VANGL2: variants seen among roughly 807,000 people sequenced by gnomAD.
VANGL2 encodes the protein vang-like protein 2.
A neutral mutation model predicts 50.2 loss-of-function variants in VANGL2; 14 were observed. The observed-to-expected ratio is 0.28, with a 90% CI of 0.18 to 0.44. VANGL2 has a LOEUF of 0.44. VANGL2 is among the 20% of genes least tolerant of loss of function. The pLI is 1.00. For missense variants in VANGL2, 533 were observed against 701.5 expected (o/e 0.76, Z 2.71); for synonymous variants, 295 against 297.2 (o/e 0.99, Z 0.08).
At chr1:160,424,850 G>A (rs1300604805) in intron 7 of VANGL2, among the ~76,000 whole-genome samples, 1 of 152,146 alleles carries the variant, frequency 6.6e-6, no homozygotes, top group Non-Finnish European at 1.5e-5. Context: ...GCAGGGAGAA[G>A]AGCAGCAGAT....
Position 160,419,088 on chromosome 1 carries a change from G to A in VANGL2, c.279G>A (p.Lys93=). The A allele has an allele frequency of 6.2e-7, 1 of 1,614,122 alleles. No homozygotes were observed. Residue 93 remains lysine (K), a synonymous_variant, in exon 4 of 8, where the codon AAG becomes AAA. Transcript: ENST00000368061. The surrounding 1 kb of genome is among the most constrained non-coding windows in gnomAD (Gnocchi z 5.8). Reference sequence around the variant, plus strand: ...ATGATGACCTCACACGCATCGCCAAGGACATGGAGGACAGTGTCCCTCTGG... The same window carrying A: ...ATGATGACCTCACACGCATCGCCAAAGACATGGAGGACAGTGTCCCTCTGG... ...ISHDDLTRIA[K]DMEDSVPLDC... is the part of the protein sequence containing the mutation.
At chr1:160,401,483 C>T (rs1345696355) in intron 1 of VANGL2, among the ~76,000 whole-genome samples, 1 of 151,988 alleles carries the variant, frequency 6.6e-6, no homozygotes, top group African/African-American at 2.4e-5. Context: ...TCATATTTAC[C>T]CATCTGGGGG....
At chr1:160,418,597 T>C (rs764942543) in intron 3 of VANGL2, among the ~76,000 whole-genome samples, 2 of 152,164 alleles carry the variant, frequency 1.3e-5, no homozygotes, top group Non-Finnish European at 1.5e-5. Flanking sequence ...AAGGATCAGC[T>C]CAGGTCCCAC....
intron 1 of VANGL2, among the ~76,000 whole-genome samples, chr1:160,411,513 C>T (rs1205881016): frequency 1.3e-5 from 2 of 152,112 alleles, no homozygotes; most frequent in South Asian, 2.1e-4. Context: ...TCTCCTCCCT[C>T]CTCCCAGGCC....
intron 1 of VANGL2, among the ~76,000 whole-genome samples, chr1:160,409,604 C>T (rs1001535717): frequency 1.3e-5 from 2 of 152,198 alleles, no homozygotes; most frequent in South Asian, 2.1e-4. Flanking sequence ...GGCCTGACAG[C>T]GCTGCCTGGG....
In VANGL2 at chr1:160,427,496, C is replaced by T. The variant is rs1347685145; in HGVS notation, c.*2118C>T. On this transcript the variant is annotated 3_prime_UTR_variant, in exon 8 of 8. Transcript: ENST00000368061. ...ACTCTCTAAGCACTAAGGGCTGTGC[C>T]TGAGAATGGTAGCATTTTGGTCTTT... 2.0e-5 allele frequency: 3 copies of T among 152,104 alleles called. No homozygotes were observed. Among genetic ancestry groups the T allele is most frequent in the African/African-American group, 4.8e-5 (2 of 41,278 alleles). 9.4% of individuals were successfully genotyped at this position (152,104 alleles called of 1,614,324 possible). A position where few individuals can be genotyped will look rare whatever the true frequency, so the allele number is the denominator to read the frequency against.
chr1:160,421,085 G>A lies in VANGL2; in HGVS notation c.971G>A (p.Arg324Gln), dbSNP rs199788326. ...NSTNNSTGQS[R>Q]AVIAAAARRR... ...ACCAACAACTCCACTGGCCAGTCTC[G>A]GGCTGTGATTGCAGCGGCAGCTCGG... The change falls in exon 6 of 8, where the codon CGG becomes CAG. Residue 324 changes from arginine to glutamine, a missense_variant. Arg to Gln is a conservative substitution (Grantham distance 43). Coordinates refer to ENST00000368061, the MANE Select transcript of VANGL2 (RefSeq NM_020335.3). 1.2e-5 allele frequency: 19 copies of A among 1,613,986 alleles called. No individual in the cohort carries two copies. The highest frequency in any genetic ancestry group is 1.7e-5 in the Admixed American group (1 of 59,998).
chr1:160,406,025 CATTT>C (rs1233535064), intron 1 of VANGL2, among the ~76,000 whole-genome samples: 1 of 152,166 alleles, frequency 6.6e-6, no homozygotes, highest in Non-Finnish European at 1.5e-5. Context: ...TGGGAACTAA[CATTT>C]TTTTAAGCAT....
Position 160,419,560 on chromosome 1 carries a change from G to A in VANGL2, c.751G>A (p.Val251Met), listed in dbSNP as rs536256783. The change falls in exon 4 of 8, where the codon GTG becomes ATG. Residue 251 changes from valine (V) to methionine (M), a missense_variant. Val to Met is a conservative substitution (Grantham distance 21, BLOSUM62 1). Coordinates refer to ENST00000368061, the MANE Select transcript of VANGL2 (RefSeq NM_020335.3). This position sits in a 1 kb window ranked among gnomAD's most constrained non-coding sequence, Gnocchi z 5.8. ...QLQPQFTLKV[V>M]RSTDGASRFY... ...CCAGCCTCAGTTCACGCTCAAGGTCGTGCGCTCCACCGACGGCGCCAGCCG... is the reference window on the plus strand; with the variant it reads ...CCAGCCTCAGTTCACGCTCAAGGTCATGCGCTCCACCGACGGCGCCAGCCG... The A allele has an allele frequency of 8.1e-6, 13 of 1,600,336 alleles. No individual in the cohort carries two copies. In the South Asian group the frequency reaches 1.1e-4, roughly 14 times the overall value.
intron 1 of VANGL2, among the ~76,000 whole-genome samples, chr1:160,402,127 T>G (rs759592893): frequency 2.6e-5 from 4 of 152,020 alleles, no homozygotes; most frequent in African/African-American, 4.8e-5. Flanking sequence ...AGTGCCTGTT[T>G]TTGGGGGATG....
intron 1 of VANGL2, among the ~76,000 whole-genome samples, chr1:160,410,666 C>T (rs28620781): frequency 2.9e-5 from 4 of 139,700 alleles, no homozygotes; most frequent in African/African-American, 8.9e-5. Context: ...CCAACACCCA[C>T]CCCCCTTATA....
At position 160,415,815 on chromosome 1, in the gene VANGL2, A is replaced by G. The variant is rs1651033652; in HGVS notation, c.-23A>G. 6.2e-7 allele frequency: 1 copy of G among 1,609,066 alleles called. No individual in the cohort carries two copies. The highest frequency in any genetic ancestry group is 1.7e-5 in the Admixed American group (1 of 59,004). ...CCCCAGCCTGCGGCCCTGGAGCGCTACAAGGCGCGGCGTTCAGACGCCATG... is the reference window on the plus strand; with the variant it reads ...CCCCAGCCTGCGGCCCTGGAGCGCTGCAAGGCGCGGCGTTCAGACGCCATG... On this transcript the variant is annotated 5_prime_UTR_variant, in exon 2 of 8. Transcript: ENST00000368061.
chr1:160,404,664 T>A (rs550861315), intron 1 of VANGL2, among the ~76,000 whole-genome samples: 1 of 152,350 alleles, frequency 6.6e-6, no homozygotes, highest in South Asian at 2.1e-4. Context: ...ATAGAATGCA[T>A]GACCTTTTGA....
chr1:160,416,209 G>A, intron 3 of VANGL2, 27 bp downstream of exon 3: 2 of 1,613,766 alleles, frequency 1.2e-6, no homozygotes, highest in Non-Finnish European at 1.7e-6. Context: ...CGGTGGTCCA[G>A]ACCGGGCATT....
chr1:160,406,442 G>C (rs1266942258), intron 1 of VANGL2, among the ~76,000 whole-genome samples: 3 of 152,176 alleles, frequency 2.0e-5, no homozygotes, highest in Admixed American at 1.3e-4. Context: ...CATAAGCCTG[G>C]GGCGGGGCCA....
rs1031886791 is a variant in VANGL2 at position 160,424,048 on chromosome 1, C to T, written c.1074-4C>T. The T allele has an allele frequency of 7.4e-6, 12 of 1,613,950 alleles. No individual in the cohort carries two copies. Among genetic ancestry groups the T allele is most frequent in the Non-Finnish European group, 1.0e-5 (12 of 1,179,874 alleles). On this transcript the variant is annotated splice_region_variant and splice_polypyrimidine_tract_variant and intron_variant, in intron 6 of 7. Transcript: ENST00000368061. ...ATCTGGCCCAGTCCCCTCCTGTCCC[C>T]TAGGCTTGTAGTGGCGGTGGAGGAG...
Position 160,421,055 on chromosome 1 carries a change from A to G in VANGL2, c.941A>G (p.Asn314Ser). 6.2e-7 allele frequency: 1 copy of G among 1,614,082 alleles called. No homozygotes were observed. Among genetic ancestry groups the G allele is most frequent in the African/African-American group, 1.3e-5 (1 of 75,020 alleles). The change falls in exon 6 of 8, where the codon AAC becomes AGC. Residue 314 changes from asparagine to serine, a missense_variant. Transcript: ENST00000368061. ...GFKVYSLGEE[N>S]STNNSTGQSR... The stretch of plus-strand genomic sequence containing the variant: ...CCTCTATCCTGTTCCTGTGCAGAAA[A>G]CAGCACCAACAACTCCACTGGCCAG...
chr1:160,419,742 T>C lies in VANGL2; in HGVS notation c.800+133T>C. 1 of 1,297,430 alleles carries C rather than the reference T, an allele frequency of 7.7e-7. No homozygotes were observed. The highest frequency in any genetic ancestry group is 1.0e-6 in the Non-Finnish European group (1 of 967,274). 80.4% of individuals were successfully genotyped at this position (1,297,430 alleles called of 1,614,324 possible). A position where few individuals can be genotyped will look rare whatever the true frequency, so the allele number is the denominator to read the frequency against. On this transcript the variant is annotated intron_variant, in intron 4 of 7. Transcript: ENST00000368061. This position sits in a 1 kb window ranked among gnomAD's most constrained non-coding sequence, Gnocchi z 5.8. ...GAGGGTTGTGTGGGAGGGAGTTGAG[T>C]ACTTTGCACCAAGTAGGTTTTCACC...
chr1:160,425,431 A>AACCGCGGGGGGGCCCGGGGGGGGGGGGG lies in VANGL2; in HGVS notation c.*53_*54insACCGCGGGGGGGCCCGGGGGGGGGGGGG. 1 of 189,358 alleles carries AACCGCGGGGGGGCCCGGGGGGGGGGGGG rather than the reference A, an allele frequency of 5.3e-6. No individual in the cohort carries two copies. The highest frequency in any genetic ancestry group is 9.3e-6 in the Non-Finnish European group (1 of 107,972). 11.7% of individuals were successfully genotyped at this position (189,358 alleles called of 1,614,324 possible). A position where few individuals can be genotyped will look rare whatever the true frequency, so the allele number is the denominator to read the frequency against. ...CTCTGGGGGGTCCTGAGGGGGTGGG[A>AACCGCGGGGGGGCCCGGGGGGGGGGGGG]GGGGGCTTGGTTCTCAGGCCCAGCC... On this transcript the variant is annotated 3_prime_UTR_variant, in exon 8 of 8. Transcript: ENST00000368061.
Sources: gnomAD v4.1 joint callset for allele counts (sites outside exome capture counted in the v4.1 genomes callset) on GRCh38, gnomAD v4.1.1 for gene constraint, Gnocchi (gnomAD v3.1) non-coding constraint, MANE v1.5 for transcripts, NCBI Gene and HGNC (gene_info 2026-07-23, HGNC 2026-07-21) for gene names.